The following CEP112 variants were observed in gnomAD, a reference collection of about 807,000 sequenced individuals.
The protein encoded by CEP112 is centrosomal protein 112, also known as centrosomal protein of 112 kDa.
In CEP112, 127 loss-of-function variants were observed where a neutral mutation model predicts 153.0. That is an observed-to-expected ratio of 0.83 (90% CI 0.72 to 0.96). The LOEUF (loss-of-function observed/expected upper bound fraction) is 0.96. CEP112 is among the 40% of genes least tolerant of loss of function. The probability of loss-of-function intolerance (pLI) is 0.00; values close to 1 mark genes in which losing one functional copy is unlikely to be tolerated. For missense variants in CEP112, 1,089 were observed against 1,101.2 expected (o/e 0.99, Z 0.16); for synonymous variants, 358 against 374.4 (o/e 0.96, Z 0.51).
At chr17:65,694,372 T>G (rs2048262427) in intron 23 of CEP112, among the ~76,000 whole-genome samples, 1 of 152,172 alleles carries the variant, frequency 6.6e-6, no homozygotes, top group African/African-American at 2.4e-5. Flanking sequence ...CTAGATCTGA[T>G]CCTTTTTCCA....
At chr17:65,805,247 G>A (rs953593437) in intron 21 of CEP112, among the ~76,000 whole-genome samples, 2 of 152,110 alleles carry the variant, frequency 1.3e-5, no homozygotes, top group Non-Finnish European at 2.9e-5. Flanking sequence ...TATGACTACC[G>A]TAATACCTCA....
intron 24 of CEP112, among the ~76,000 whole-genome samples, chr17:65,686,548 CT>C (rs2047803717): frequency 6.6e-6 from 1 of 152,176 alleles, no homozygotes; most frequent in Admixed American, 6.5e-5. Flanking sequence ...CTTTTCCTGC[CT>C]TTAAGAAGCT....
At chr17:66,172,221 C>G (rs2072274762) in intron 4 of CEP112, among the ~76,000 whole-genome samples, 1 of 152,138 alleles carries the variant, frequency 6.6e-6, no homozygotes, top group Non-Finnish European at 1.5e-5. Flanking sequence ...ATACAGCAAA[C>G]AGCAAAAACA....
chr17:65,976,827 C>T (rs1160746365), intron 17 of CEP112, among the ~76,000 whole-genome samples: 1 of 150,770 alleles, frequency 6.6e-6, no homozygotes. Context: ...CAACCTCCAC[C>T]TCCCAGGTTC....
intron 23 of CEP112, among the ~76,000 whole-genome samples, chr17:65,696,919 CCACT>C (rs1423058624): frequency 6.6e-6 from 1 of 152,110 alleles, no homozygotes; most frequent in Non-Finnish European, 1.5e-5. Context: ...GATTCATTTG[CCACT>C]CAGTGGGGAG....
At chr17:65,845,058 G>T (rs373166640) in intron 21 of CEP112, among the ~76,000 whole-genome samples, 4 of 152,100 alleles carry the variant, frequency 2.6e-5, no homozygotes, top group Non-Finnish European at 5.9e-5. Flanking sequence ...GGTGGCTCAC[G>T]CCTGTCCTCC....
chr17:65,824,698 A>T (rs1325727541), intron 21 of CEP112, among the ~76,000 whole-genome samples: 1 of 152,074 alleles, frequency 6.6e-6, no homozygotes, highest in Admixed American at 6.5e-5. Flanking sequence ...ACAAACGGAG[A>T]TTGTTTACAG....
Position 66,149,884 on chromosome 17 carries a change from G to GTTTTTTTT in CEP112, c.471-17122_471-17121insAAAAAAAA, listed in dbSNP as rs1242689416. 5.5e-3 allele frequency among the ~76,000 whole-genome samples: 257 copies of GTTTTTTTT among 46,798 alleles called. 29 individuals carry two copies. The highest frequency in any genetic ancestry group is 0.012 in the East Asian group (18 of 1,536). 30.7% of individuals were successfully genotyped at this position (46,798 alleles called of 152,430 possible). A position where few individuals can be genotyped will look rare whatever the true frequency, so the allele number is the denominator to read the frequency against. On this transcript the variant is annotated intron_variant, in intron 4 of 26. Coordinates refer to ENST00000535342, the MANE Select transcript of CEP112 (RefSeq NM_001199165.4). ...AAATTTAGGGTTTTTTTTTTTGTTT[G>GTTTTTTTT]TTTGTTTTTTTTTTTTTTTTTTTTT...
At chr17:65,942,440 T>G (rs1379831203) in intron 18 of CEP112, among the ~76,000 whole-genome samples, 1 of 152,226 alleles carries the variant, frequency 6.6e-6, no homozygotes, top group Non-Finnish European at 1.5e-5. Context: ...AGAAGTAGTC[T>G]GCTACATTGG....
At chr17:66,115,971 G>A (rs1340665822) in intron 6 of CEP112, among the ~76,000 whole-genome samples, 1 of 152,184 alleles carries the variant, frequency 6.6e-6, no homozygotes, top group African/African-American at 2.4e-5. Flanking sequence ...GAAGGTTAAA[G>A]CAGGTCTCAA....
chr17:65,809,235 T>C lies in CEP112; in HGVS notation c.2394+42569A>G, dbSNP rs565731924. 4.6e-5 allele frequency among the ~76,000 whole-genome samples: 7 copies of C among 152,230 alleles called. No individual in the cohort carries two copies. In the South Asian group the frequency reaches 8.3e-4, roughly 18 times the overall value. ...ACTTACAAAAGGCAGGAAAACCACA[T>C]GCTGGATCCATGTAACTGAGGGGGA... On this transcript the variant is annotated intron_variant, in intron 21 of 26. Coordinates refer to ENST00000535342, the MANE Select transcript of CEP112 (RefSeq NM_001199165.4).
In CEP112 at chr17:65,969,236, C is replaced by G. The variant is rs971924346; in HGVS notation, c.1737-7638G>C. Among the ~76,000 whole-genome samples, 91 of 152,150 alleles carry G rather than the reference C, an allele frequency of 6.0e-4. 1 individual carries two copies. The highest frequency in any genetic ancestry group is 2.1e-3 in the African/African-American group (88 of 41,520). The stretch of plus-strand genomic sequence containing the variant: ...AGCTGGGATTACAGGCATGCAGTAC[C>G]ACGCCTGACTAGTTTTTTTTGTATT... On this transcript the variant is annotated intron_variant, in intron 17 of 26. Coordinates refer to ENST00000535342, the MANE Select transcript of CEP112 (RefSeq NM_001199165.4).
At chr17:66,160,535 A>G (rs1040698811) in intron 4 of CEP112, among the ~76,000 whole-genome samples, 1 of 152,198 alleles carries the variant, frequency 6.6e-6, no homozygotes, top group Non-Finnish European at 1.5e-5. Context: ...CAGAAATAAC[A>G]GCACACATCT....
intron 18 of CEP112, among the ~76,000 whole-genome samples, chr17:65,954,266 C>G (rs12947016): frequency 0.41 from 62,535 of 151,746 alleles, 14,240 homozygotes; most frequent in East Asian, 0.87. Context: ...ATCACTATAG[C>G]TCCGCTCTTA....
intron 21 of CEP112, among the ~76,000 whole-genome samples, chr17:65,758,990 G>A (rs1031613018): frequency 2.0e-5 from 3 of 152,122 alleles, no homozygotes; most frequent in Non-Finnish European, 4.4e-5. Context: ...GAGAGAGGAG[G>A]TAGGCACAAG....
chr17:65,755,214 G>C (rs1435570155), intron 21 of CEP112, among the ~76,000 whole-genome samples: 1 of 152,156 alleles, frequency 6.6e-6, no homozygotes, highest in Non-Finnish European at 1.5e-5. Flanking sequence ...AGCATGGCTG[G>C]GGAGGTCCCA....
intron 21 of CEP112, among the ~76,000 whole-genome samples, chr17:65,842,663 T>C (rs1033477945): frequency 1.3e-5 from 2 of 152,162 alleles, no homozygotes; most frequent in Non-Finnish European, 2.9e-5. Flanking sequence ...ATTATTCTAA[T>C]ACTTGTTTAG....
intron 11 of CEP112, among the ~76,000 whole-genome samples, chr17:66,060,307 A>G (rs1468112792): frequency 6.6e-6 from 1 of 152,176 alleles, no homozygotes; most frequent in Non-Finnish European, 1.5e-5. Context: ...ATTTTAAAAA[A>G]TGAAATAAAG....
At chr17:65,986,433 G>A (rs537925668) in intron 17 of CEP112, among the ~76,000 whole-genome samples, 1 of 152,150 alleles carries the variant, frequency 6.6e-6, no homozygotes, top group Non-Finnish European at 1.5e-5. Context: ...TTTACTATGT[G>A]TGATTCTTCT....
Sources: gnomAD v4.1 joint callset for allele counts (sites outside exome capture counted in the v4.1 genomes callset) on GRCh38, gnomAD v4.1.1 for gene constraint, MANE v1.5 for transcripts, NCBI Gene and HGNC (gene_info 2026-07-23, HGNC 2026-07-21) for gene names.